The following PAH variants were observed in gnomAD, a reference collection of about 807,000 sequenced individuals.
The protein encoded by PAH is phenylalanine-4-hydroxylase.
In PAH, 64 loss-of-function variants were observed where a neutral mutation model predicts 62.0. That is an observed-to-expected ratio of 1.03 (90% CI 0.84 to 1.27). PAH has a LOEUF of 1.27. Ranked by LOEUF, PAH falls within the 50% of genes most tolerant of loss-of-function variation. The probability of loss-of-function intolerance (pLI) is 0.00; values close to 1 mark genes in which losing one functional copy is unlikely to be tolerated. For missense variants in PAH, 579 were observed against 542.8 expected, an observed-to-expected ratio of 1.07 and a Z score of -0.66; for synonymous variants, 195 against 196.2, an observed-to-expected ratio of 0.99 and a Z score of 0.05.
At chr12:102,862,857 A>G (rs920352728) in intron 5 of PAH, among the ~76,000 whole-genome samples, 7 of 152,152 alleles carry the variant, frequency 4.6e-5, no homozygotes, top group African/African-American at 1.7e-4. Flanking sequence ...GACGAGTGAC[A>G]GGGATTAGGC....
chr12:102,938,190 G>A (rs1466237675), intron 1 of PAH, among the ~76,000 whole-genome samples: 1 of 152,194 alleles, frequency 6.6e-6, no homozygotes, highest in Non-Finnish European at 1.5e-5. Flanking sequence ...TGGCATGGAA[G>A]CAAGGGAGTA....
chr12:102,913,084 A>T (rs1451021434), intron 1 of PAH, among the ~76,000 whole-genome samples, 186 bp from the exon 2 acceptor site: 1 of 152,210 alleles, frequency 6.6e-6, no homozygotes, highest in Non-Finnish European at 1.5e-5. Flanking sequence ...AGGGCAATTA[A>T]ATGATCAATG....
chr12:102,955,783 G>A (rs1433499329), upstream of PAH, among the ~76,000 whole-genome samples: 2 of 152,152 alleles, frequency 1.3e-5, no homozygotes, highest in Non-Finnish European at 2.9e-5. Context: ...TGTGGAGAAA[G>A]GCCTGAGGTG....
chr12:102,882,597 T>C (rs1175971359), intron 3 of PAH, among the ~76,000 whole-genome samples: 2 of 148,804 alleles, frequency 1.3e-5, no homozygotes, highest in Admixed American at 6.7e-5. Flanking sequence ...CATACACGTA[T>C]ACACACATAC....
At chr12:102,859,182 A>G (rs1299828783) in intron 5 of PAH, among the ~76,000 whole-genome samples, 1 of 152,234 alleles carries the variant, frequency 6.6e-6, no homozygotes, top group Non-Finnish European at 1.5e-5. Flanking sequence ...TACCATCAAG[A>G]ATACTATAAA....
At chr12:102,886,141 CA>C (rs1388808809) in intron 3 of PAH, 1 of 152,200 alleles carries the variant, frequency 6.6e-6, no homozygotes, top group Non-Finnish European at 1.5e-5. Context: ...AATGATGAGC[CA>C]AAGGCTGGCT....
intron 3 of PAH, among the ~76,000 whole-genome samples, chr12:102,879,608 G>C (rs944354435): frequency 1.5e-4 from 23 of 151,060 alleles, no homozygotes; most frequent in Admixed American, 8.0e-4. Flanking sequence ...TTACCTGTGG[G>C]GGGGGGGTAC....
chr12:102,872,721 A>G (rs1216573895), intron 4 of PAH, among the ~76,000 whole-genome samples: 5 of 152,224 alleles, frequency 3.3e-5, no homozygotes, highest in East Asian at 1.9e-4. Flanking sequence ...TAATCCCAGC[A>G]TTTTGGGAGG....
intron 2 of PAH, among the ~76,000 whole-genome samples, chr12:102,895,869 A>AAT (rs1555208128): frequency 0.034 from 4,053 of 118,484 alleles, 91 homozygotes; most frequent in South Asian, 0.058. Context: ...AAAAAAAAAA[A>AAT]ATATATATAT....
Position 102,838,203 on chromosome 12 carries a change from A to C in PAH, c.*972T>G, listed in dbSNP as rs527410858. The C allele has an allele frequency of 6.6e-6, 1 of 152,194 alleles. No homozygotes were observed. Among genetic ancestry groups the C allele is most frequent in the Non-Finnish European group, 1.5e-5 (1 of 68,032 alleles). The allele number at this position is 152,194 out of a possible 1,614,324, so 9.4% of individuals were successfully genotyped here. ...TTTGAGTGTCACAAGGAGCCCCTGC[A>C]AAGGGTTGGAGATATGAGCCTCTGG... is the stretch of plus-strand genomic sequence containing the variant. On this transcript the variant is annotated 3_prime_UTR_variant, in exon 13 of 13. Transcript: ENST00000553106.
At chr12:102,948,956 A>T (rs975540353) in intron 1 of PAH, among the ~76,000 whole-genome samples, 2 of 152,158 alleles carry the variant, frequency 1.3e-5, no homozygotes, top group African/African-American at 4.8e-5. Flanking sequence ...GAATTAATGG[A>T]ATAGAATCAA....
In PAH at chr12:102,894,827, C is replaced by T. The variant is rs368152528; in HGVS notation, c.260G>A (p.Ser87Asn). The T allele has an allele frequency of 2.2e-5, 35 of 1,613,722 alleles. No individual in the cohort carries two copies. The highest frequency in any genetic ancestry group is 2.8e-5 in the Non-Finnish European group (33 of 1,179,828). ...GATGATGTTTGTCAGAGCAGGCAGGCTACGTTTATCCAAATGGGTGAAAAA... is the reference window on the plus strand; with the variant it reads ...GATGATGTTTGTCAGAGCAGGCAGGTTACGTTTATCCAAATGGGTGAAAAA... ...YEFFTHLDKR[S>N]LPALTNIIKI... Residue 87 changes from serine (S) to asparagine (N), a missense_variant, in exon 3 of 13, where the codon AGC becomes AAC. Transcript: ENST00000553106.
At chr12:102,892,257 G>A (rs907469660) in intron 3 of PAH, among the ~76,000 whole-genome samples, 5 of 152,132 alleles carry the variant, frequency 3.3e-5, no homozygotes, top group South Asian at 2.1e-4. Flanking sequence ...CCTGTTTTAC[G>A]GGGTGGATCT....
intron 12 of PAH, 140 bp from the exon 13 acceptor site, chr12:102,839,358 G>T (rs1874490869): frequency 2.6e-6 from 2 of 758,908 alleles, no homozygotes; most frequent in Non-Finnish European, 2.3e-6. Flanking sequence ...GGAGCTTACA[G>T]CCTCATTATG....
At chr12:102,871,516 A>G (rs1876316232) in intron 4 of PAH, among the ~76,000 whole-genome samples, 1 of 152,162 alleles carries the variant, frequency 6.6e-6, no homozygotes, top group African/African-American at 2.4e-5. Flanking sequence ...TTCTCGTTTC[A>G]GATGGTCTCA....
intron 7 of PAH, chr12:102,852,004 A>C (rs1157862289): frequency 2.0e-5 from 10 of 507,528 alleles, no homozygotes; most frequent in African/African-American, 1.7e-4. Flanking sequence ...GGGTCTTAAG[A>C]GTATCCCCAG....
chr12:102,916,141 GA>G lies in PAH; in HGVS notation c.60+929del, dbSNP rs541053028. Among the ~76,000 whole-genome samples, 723 of 126,204 alleles carry G rather than the reference GA, an allele frequency of 5.7e-3. 7 individuals are homozygous for G. The highest frequency in any genetic ancestry group is 0.023 in the African/African-American group (690 of 29,986). The allele number at this position is 126,204 out of a possible 152,430, so 82.8% of individuals were successfully genotyped here. On this transcript the variant is annotated intron_variant, in intron 1 of 12. Transcript: ENST00000553106. The stretch of plus-strand genomic sequence containing the variant: ...TAAGAGCCATGTACTATTTTCATAA[GA>G]AATTTTTTTTTTTAAGGATTCAAAT...
In PAH at chr12:102,844,378, CTT is replaced by C; in HGVS notation, c.1021_1022del (p.Lys341GlyfsTer12). The C allele has an allele frequency of 6.2e-7, 1 of 1,613,904 alleles. No individual in the cohort carries two copies. The highest frequency in any genetic ancestry group is 2.2e-5 in the East Asian group (1 of 44,884). On this transcript the variant is annotated frameshift_variant, in exon 10 of 13. Transcript: ENST00000553106. LOFTEE classifies it high-confidence loss of function. ...ATGACAGGAGCCCAGCACCATATGC[CTT>C]TATGGAGTCTCCTTGTTTGCAGAGC... is the stretch of plus-strand genomic sequence containing the variant. ...FGLCKQGDSI[K>X]AYGAGLLSSF...
chr12:102,845,011 A>G (rs57507781), intron 9 of PAH, among the ~76,000 whole-genome samples: 1 of 151,874 alleles, frequency 6.6e-6, no homozygotes, highest in Non-Finnish European at 1.5e-5. Flanking sequence ...TTCTCTCTCT[A>G]TATATATCTC....
Sources: allele counts gnomAD v4.1 joint callset (sites outside exome capture counted in the v4.1 genomes callset), GRCh38; gene constraint gnomAD v4.1.1; transcripts MANE v1.5; gene names NCBI Gene and HGNC (gene_info 2026-07-23, HGNC 2026-07-21).